Variants in ZMIZ1 observed in about 807,000 individuals in gnomAD.
ZMIZ1 encodes the protein zinc finger MIZ-type containing 1.
In ZMIZ1, 17 loss-of-function variants were observed where a neutral mutation model predicts 113.9. The ratio of observed to expected loss-of-function variants is 0.15; its 90% confidence interval spans 0.10 to 0.22. The LOEUF (loss-of-function observed/expected upper bound fraction) is 0.22. Ranked by LOEUF, ZMIZ1 falls within the 10% of genes least tolerant of loss-of-function variation. The pLI, the probability that ZMIZ1 is intolerant of heterozygous loss-of-function variation, is 1.00. For synonymous variants in ZMIZ1, 607 were observed against 603.1 expected (o/e 1.01, Z -0.09); for missense variants, 1,059 against 1,477.8 (o/e 0.72, Z 4.65).
chr10:79,250,541 C>A (rs992951012), intron 7 of ZMIZ1, among the ~76,000 whole-genome samples: 7 of 152,238 alleles, frequency 4.6e-5, no homozygotes, highest in African/African-American at 1.7e-4. Context: ...CACGTGCCCA[C>A]TTTCATTTCC....
At chr10:79,097,875 G>T (rs544695037) in intron 1 of ZMIZ1, among the ~76,000 whole-genome samples, 1 of 152,282 alleles carries the variant, frequency 6.6e-6, no homozygotes, top group South Asian at 2.1e-4. Flanking sequence ...TCCTGGAGAG[G>T]CCTCAGCAGC....
Position 79,310,916 on chromosome 10 carries a change from C to T in ZMIZ1, c.2836-8C>T, listed in dbSNP as rs1855106887. On this transcript the variant is annotated splice_polypyrimidine_tract_variant and splice_region_variant and intron_variant, in intron 23 of 24. Coordinates refer to ENST00000334512, the MANE Select transcript of ZMIZ1 (RefSeq NM_020338.4). ...CTCTCTTCTCTCCCGCTCTCTCCTC[C>T]TCCACAGATGCCACACGCTGGCAGC... 1 of 1,611,872 alleles carries T rather than the reference C, an allele frequency of 6.2e-7. No homozygotes were observed. The highest frequency in any genetic ancestry group is 1.3e-5 in the African/African-American group (1 of 74,884).
intron 7 of ZMIZ1, among the ~76,000 whole-genome samples, chr10:79,231,125 G>C (rs12247987): frequency 0.013 from 2,041 of 152,356 alleles, 18 homozygotes; most frequent in Middle Eastern, 0.037. Flanking sequence ...GAAGTGATCA[G>C]GGGCACCAGA....
intron 4 of ZMIZ1, among the ~76,000 whole-genome samples, chr10:79,182,540 A>G (rs1246354854): frequency 1.3e-5 from 2 of 152,246 alleles, no homozygotes. Flanking sequence ...GGGGTCCACA[A>G]CTATGAATAC....
At chr10:79,274,438 G>A (rs528693601) in intron 7 of ZMIZ1, among the ~76,000 whole-genome samples, 11 of 152,334 alleles carry the variant, frequency 7.2e-5, no homozygotes, top group South Asian at 6.2e-4. Flanking sequence ...CTGTCCTTGC[G>A]TAATCCCCTG....
chr10:79,287,258 G>A (rs1250565), intron 8 of ZMIZ1, among the ~76,000 whole-genome samples: 58,165 of 152,022 alleles, frequency 0.38, 11,398 homozygotes, highest in South Asian at 0.44. Flanking sequence ...ACTTTCCTGT[G>A]TTTCTCTGCA....
intron 7 of ZMIZ1, among the ~76,000 whole-genome samples, chr10:79,241,899 C>T (rs1429974960): frequency 6.6e-6 from 1 of 151,984 alleles, no homozygotes; most frequent in Non-Finnish European, 1.5e-5. Context: ...GCACGGCAGT[C>T]CAATACAGAG....
intron 8 of ZMIZ1, among the ~76,000 whole-genome samples, chr10:79,279,489 C>T (rs1182276675): frequency 2.7e-5 from 4 of 150,884 alleles, no homozygotes; most frequent in East Asian, 3.9e-4. Context: ...ACTGGGCGGC[C>T]GGGCAGAGGG....
At chr10:79,126,495 G>C (rs1844516746) in intron 2 of ZMIZ1, among the ~76,000 whole-genome samples, 1 of 152,182 alleles carries the variant, frequency 6.6e-6, no homozygotes, top group South Asian at 2.1e-4. Context: ...ACCAGACTGT[G>C]AACCAAACTG....
intron 15 of ZMIZ1, 99 bp downstream of exon 15, chr10:79,298,679 A>G (rs1362520848): frequency 8.7e-6 from 10 of 1,143,486 alleles, no homozygotes; most frequent in African/African-American, 1.6e-5. Context: ...AGTGGGCATC[A>G]GAAGGGGCAG....
chr10:79,150,574 G>T (rs1474780535), intron 3 of ZMIZ1, among the ~76,000 whole-genome samples: 2 of 152,236 alleles, frequency 1.3e-5, no homozygotes, highest in Non-Finnish European at 2.9e-5. Context: ...CAACCTGCTG[G>T]TGCACCTGGG....
At chr10:79,198,795 G>A (rs60244782) in intron 4 of ZMIZ1, among the ~76,000 whole-genome samples, 3,575 of 152,132 alleles carry the variant, frequency 0.023, 147 homozygotes, top group African/African-American at 0.081. Context: ...GCACTTTGGG[G>A]GGCCGAGGTG....
intron 1 of ZMIZ1, among the ~76,000 whole-genome samples, chr10:79,084,780 A>G (rs1415770379): frequency 7.0e-6 from 1 of 142,546 alleles, no homozygotes; most frequent in Admixed American, 7.5e-5. Context: ...TCCTAGGGTC[A>G]GCGGCTGGGC....
At chr10:79,224,363 G>C in intron 7 of ZMIZ1, among the ~76,000 whole-genome samples, 1 of 152,186 alleles carries the variant, frequency 6.6e-6, no homozygotes, top group African/African-American at 2.4e-5. Context: ...GTTGGCAGGG[G>C]CAGGGTGAGA....
chr10:79,265,428 G>A (rs911653847), intron 7 of ZMIZ1, among the ~76,000 whole-genome samples: 2 of 151,450 alleles, frequency 1.3e-5, no homozygotes, highest in Non-Finnish European at 2.9e-5. Flanking sequence ...AGGGTCACTC[G>A]CAGCCCAAGC....
intron 3 of ZMIZ1, among the ~76,000 whole-genome samples, chr10:79,149,050 A>G (rs1820447779): frequency 1.3e-5 from 2 of 152,182 alleles, no homozygotes; most frequent in Non-Finnish European, 2.9e-5. Context: ...CTCACCACTC[A>G]GGAGCTCCCG....
chr10:79,109,267 T>TGGGTCTGTGTGCAC (rs1348150056), intron 1 of ZMIZ1, among the ~76,000 whole-genome samples: 3 of 152,214 alleles, frequency 2.0e-5, no homozygotes, highest in Non-Finnish European at 2.9e-5. Flanking sequence ...CCTGTGTGCA[T>TGGGTCTGTGTGCAC]GGGTCTGTGT....
At position 79,239,663 on chromosome 10, in the gene ZMIZ1, T is replaced by C. The variant is rs1248096537; in HGVS notation, c.280+23389T>C. On this transcript the variant is annotated intron_variant, in intron 7 of 24. Coordinates refer to ENST00000334512, the MANE Select transcript of ZMIZ1 (RefSeq NM_020338.4). Reference sequence around the variant, plus strand: ...CTTTTGTATGCTTGTCTTTCCTTGCTAGTGGCCTCTCAGCCCCCAGGCCTC... The same window carrying C: ...CTTTTGTATGCTTGTCTTTCCTTGCCAGTGGCCTCTCAGCCCCCAGGCCTC... Among the ~76,000 whole-genome samples the C allele has an allele frequency of 3.9e-5, 6 of 152,166 alleles. No homozygotes were observed. In the East Asian group the frequency reaches 1.2e-3, roughly 29 times the overall value.
chr10:79,186,890 C>T (rs1003208837), intron 4 of ZMIZ1, among the ~76,000 whole-genome samples: 7 of 152,204 alleles, frequency 4.6e-5, no homozygotes, highest in Non-Finnish European at 1.0e-4. Flanking sequence ...CTTTCCCTGC[C>T]CACTCTCTTA....
Sources: allele counts gnomAD v4.1 joint callset (sites outside exome capture counted in the v4.1 genomes callset), GRCh38; gene constraint gnomAD v4.1.1; transcripts MANE v1.5; gene names NCBI Gene and HGNC (gene_info 2026-07-23, HGNC 2026-07-21).